Variants in WDFY4 observed in about 807,000 individuals in gnomAD.
The protein encoded by WDFY4 is WDFY family member 4, also known as WD repeat- and FYVE domain-containing protein 4.
A neutral mutation model predicts 351.9 loss-of-function variants in WDFY4; 169 were observed. The ratio of observed to expected loss-of-function variants is 0.48; its 90% CI spans 0.42 to 0.55. The LOEUF (loss-of-function observed/expected upper bound fraction) is 0.55. Ranked by LOEUF, WDFY4 falls within the 20% of genes least tolerant of loss-of-function variation. The pLI, the probability that WDFY4 is intolerant of heterozygous loss-of-function variation, is 0.00. For missense variants in WDFY4, 3,803 were observed against 3,935.6 expected, an observed-to-expected ratio of 0.97 and a Z score of 0.90; for synonymous variants, 1,622 against 1,574.6, an observed-to-expected ratio of 1.03 and a Z score of -0.71.
At position 48,774,469 on chromosome 10, in the gene WDFY4, G is replaced by C. The variant is rs1565182210; in HGVS notation, c.2565G>C (p.Glu855Asp). ...TTGGTCACTCTTAGCTTTCCGAGGA[G>C]ATCCAGTGCTCCCTGGCCAGTCATA... is the stretch of plus-strand genomic sequence containing the variant. ...YHEDHPQLSE[E>D]IQCSLASHIQ... The change falls in exon 14 of 62, where the codon GAG becomes GAC. Residue 855 changes from glutamate (E) to aspartate (D), a missense_variant. By Grantham distance (45) the Glu-to-Asp change is conservative. Around this residue, in one of 3 missense-constraint regions of WDFY4, gnomAD observed 3,054 missense variants for 3,148.6 expected, o/e 0.97. Coordinates refer to ENST00000325239, the MANE Select transcript of WDFY4 (RefSeq NM_001394531.1). 1 of 1,551,754 alleles carries C rather than the reference G, an allele frequency of 6.4e-7. No individual in the cohort carries two copies.
chr10:48,957,088 C>T (rs781066979), intron 51 of WDFY4, 41 bp from the exon 52 acceptor site: 24 of 1,534,860 alleles, frequency 1.6e-5, no homozygotes, highest in Non-Finnish European at 1.8e-5. Context: ...CAGGAGGGTG[C>T]CAGTGAGAGC....
chr10:48,959,904 T>G (rs1841782202), intron 53 of WDFY4, 91 bp downstream of exon 53: 3 of 1,204,584 alleles, frequency 2.5e-6, no homozygotes, highest in Non-Finnish European at 2.4e-6. Context: ...GGAGGGCCAG[T>G]GACCAGCACT....
In WDFY4 at chr10:48,807,922, G is replaced by C. The variant is rs1190036081; in HGVS notation, c.4802G>C (p.Ser1601Thr). 1.9e-6 allele frequency: 3 copies of C among 1,550,204 alleles called. No homozygotes were observed. The highest frequency in any genetic ancestry group is 2.6e-6 in the Non-Finnish European group (3 of 1,146,558). Residue 1601 changes from serine to threonine, a missense_variant, in exon 28 of 62, where the codon AGT becomes ACT. Around this residue, in one of 3 missense-constraint regions of WDFY4, gnomAD observed 3,054 missense variants for 3,148.6 expected, o/e 0.97. Coordinates refer to ENST00000325239, the MANE Select transcript of WDFY4 (RefSeq NM_001394531.1). ...AACCAGTTGCTGGAGATGCTGCTCAGTGTAATATCTTCCCCCCAGCTTCAT... is the reference window on the plus strand; with the variant it reads ...AACCAGTTGCTGGAGATGCTGCTCACTGTAATATCTTCCCCCCAGCTTCAT... ...LRNQLLEMLL[S>T]VISSPQLHLS... is the part of the protein sequence containing the mutation.
chr10:48,844,899 A>T (rs147582515), intron 39 of WDFY4, among the ~76,000 whole-genome samples: 1,623 of 152,302 alleles, frequency 0.011, 27 homozygotes, highest in African/African-American at 0.037. Context: ...GTACATAAAG[A>T]AATCTGAAAG....
chr10:48,847,930 C>T (rs1411990852), intron 39 of WDFY4, among the ~76,000 whole-genome samples: 1 of 152,096 alleles, frequency 6.6e-6, no homozygotes, highest in East Asian at 1.9e-4. Context: ...TGGTCTGGTC[C>T]CTCTTCACCC....
intron 1 of WDFY4, among the ~76,000 whole-genome samples, chr10:48,701,093 C>T (rs2063467926): frequency 6.6e-6 from 1 of 152,214 alleles, no homozygotes; most frequent in Admixed American, 6.5e-5. Context: ...ATGCACCCCT[C>T]TCCCCAGTCT....
chr10:48,836,304 G>GT (rs1171943849), intron 39 of WDFY4, among the ~76,000 whole-genome samples: 32 of 152,190 alleles, frequency 2.1e-4, no homozygotes, highest in Admixed American at 8.5e-4. Context: ...TCCGTTATTG[G>GT]TTTTTCCCTA....
chr10:48,783,245 A>G (rs959414018), intron 19 of WDFY4, among the ~76,000 whole-genome samples: 1 of 152,048 alleles, frequency 6.6e-6, no homozygotes, highest in African/African-American at 2.4e-5. Flanking sequence ...ATAGATGCAT[A>G]CCCTCCTGCA....
At chr10:48,958,742 A>G (rs1841724330) in intron 52 of WDFY4, among the ~76,000 whole-genome samples, 1 of 152,194 alleles carries the variant, frequency 6.6e-6, no homozygotes. Flanking sequence ...ACACTGTTGG[A>G]TGCTGAGAAG....
At chr10:48,925,475 C>G (rs1014600787) in intron 47 of WDFY4, among the ~76,000 whole-genome samples, 1 of 152,124 alleles carries the variant, frequency 6.6e-6, no homozygotes, top group African/African-American at 2.4e-5. Context: ...ATTCTGGGCC[C>G]GAAATTGTGT....
intron 53 of WDFY4, among the ~76,000 whole-genome samples, chr10:48,960,124 G>T (rs768868123): frequency 1.7e-4 from 26 of 152,202 alleles, no homozygotes; most frequent in Non-Finnish European, 2.6e-4. Flanking sequence ...TCCACTCCCT[G>T]GGCCTGACTG....
chr10:48,708,571 A>G (rs928792881), intron 1 of WDFY4, among the ~76,000 whole-genome samples: 8 of 152,228 alleles, frequency 5.3e-5, no homozygotes, highest in African/African-American at 1.7e-4. Flanking sequence ...ACTGCAGACA[A>G]ACAAACAATA....
At chr10:48,777,200 G>C (rs1349977609) in intron 16 of WDFY4, among the ~76,000 whole-genome samples, 1 of 152,220 alleles carries the variant, frequency 6.6e-6, no homozygotes, top group Non-Finnish European at 1.5e-5. Flanking sequence ...TGGTGTGGCT[G>C]CATTCTGGAA....
chr10:48,881,196 T>C (rs528285236), intron 43 of WDFY4, among the ~76,000 whole-genome samples: 113 of 152,262 alleles, frequency 7.4e-4, no homozygotes, highest in African/African-American at 2.5e-3. Context: ...CATAGCCCCA[T>C]AGGATTTGTT....
intron 24 of WDFY4, among the ~76,000 whole-genome samples, chr10:48,800,424 G>A (rs1474060732): frequency 6.6e-6 from 1 of 152,102 alleles, no homozygotes; most frequent in Non-Finnish European, 1.5e-5. Context: ...TCATTGAGAA[G>A]GGAATGGACA....
chr10:48,926,177 G>A (rs1020324688), intron 47 of WDFY4, among the ~76,000 whole-genome samples: 2 of 152,182 alleles, frequency 1.3e-5, no homozygotes, highest in Non-Finnish European at 2.9e-5. Context: ...AAGCCATCCT[G>A]GAATCCTATG....
In WDFY4 at chr10:48,817,240, C is replaced by G; in HGVS notation, c.5341-5C>G. On this transcript the variant is annotated splice_polypyrimidine_tract_variant and splice_region_variant and intron_variant, in intron 31 of 61. Coordinates refer to ENST00000325239, the MANE Select transcript of WDFY4 (RefSeq NM_001394531.1). ...CTGCACTACCTCTCACCAAGTGTGC[C>G]TCAGCCCCTGGCAGGTTCTGAGGAT... 1 of 1,551,568 alleles carries G rather than the reference C, an allele frequency of 6.4e-7. No homozygotes were observed. The highest frequency in any genetic ancestry group is 8.7e-7 in the Non-Finnish European group (1 of 1,146,990).
chr10:48,969,316 G>A (rs1842230178), intron 56 of WDFY4, 68 bp downstream of exon 56: 1 of 1,521,654 alleles, frequency 6.6e-7, no homozygotes, highest in Admixed American at 2.0e-5. Context: ...AGGCAGAGAT[G>A]GCCCAGAGAT....
intron 23 of WDFY4, among the ~76,000 whole-genome samples, chr10:48,791,497 C>G (rs1312779370): frequency 6.6e-6 from 1 of 152,162 alleles, no homozygotes; most frequent in Non-Finnish European, 1.5e-5. Flanking sequence ...TATGAGAGCA[C>G]CTGTTTTGCA....
Sources: gnomAD v4.1 joint callset for allele counts (sites outside exome capture counted in the v4.1 genomes callset) on GRCh38, gnomAD v4.1.1 for gene constraint, gnomAD v4.1.1 regional missense constraint, MANE v1.5 for transcripts, NCBI Gene and HGNC (gene_info 2026-07-23, HGNC 2026-07-21) for gene names.